FNBP1L: variants seen among roughly 807,000 people sequenced by gnomAD.
The protein encoded by FNBP1L is formin binding protein 1 like, also known as formin-binding protein 1-like.
In FNBP1L, 36 loss-of-function variants were observed where a neutral mutation model predicts 91.2. The ratio of observed to expected loss-of-function variants is 0.39; its 90% CI spans 0.30 to 0.52. The LOEUF is 0.52. Ranked by LOEUF, FNBP1L falls within the 20% of genes least tolerant of loss-of-function variation. FNBP1L has a pLI of 0.66. For synonymous variants in FNBP1L, 242 were observed against 237.0 expected (o/e 1.02, Z -0.19); for missense variants, 571 against 732.1 (o/e 0.78, Z 2.54).
rs1414321271 is a variant in FNBP1L at position 93,530,742 on chromosome 1, A to G, written c.511-13A>G. 2 of 1,594,482 alleles carry G rather than the reference A, an allele frequency of 1.3e-6. No homozygotes were observed. The highest frequency in any genetic ancestry group is 1.7e-6 in the Non-Finnish European group (2 of 1,170,640). On this transcript the variant is annotated splice_polypyrimidine_tract_variant and intron_variant, in intron 6 of 16. Transcript: ENST00000271234. Reference sequence around the variant, plus strand: ...TTTGTTGTTGATAATAATTTCGACCATTTTGCCCCTAGGCCAAACAGCAGT... The same window carrying G: ...TTTGTTGTTGATAATAATTTCGACCGTTTTGCCCCTAGGCCAAACAGCAGT...
chr1:93,513,418 A>T (rs1401770280), intron 2 of FNBP1L, among the ~76,000 whole-genome samples: 2 of 152,084 alleles, frequency 1.3e-5, no homozygotes, highest in African/African-American at 4.8e-5. Flanking sequence ...AACTCATTTT[A>T]TGAGGCCAGC....
intron 1 of FNBP1L, among the ~76,000 whole-genome samples, chr1:93,499,114 G>T (rs989583540): frequency 1.8e-4 from 28 of 152,144 alleles, no homozygotes; most frequent in Admixed American, 8.5e-4. Context: ...GGGACCTGGA[G>T]AAAGTCTGAG....
rs1670376358 is a variant in FNBP1L at position 93,499,527 on chromosome 1, T to G, written c.84T>G (p.Tyr28Ter). 1 of 1,605,912 alleles carries G rather than the reference T, an allele frequency of 6.2e-7. No homozygotes were observed. The highest frequency in any genetic ancestry group is 1.3e-5 in the African/African-American group (1 of 74,810). ...TQWGIDFLER[Y>*]AKFVKERIEI... Reference sequence around the variant, plus strand: ...GGGGAATTGACTTCTTGGAAAGATATGCCAAATTTGTTAAAGAGAGGATAG... The same window carrying G: ...GGGGAATTGACTTCTTGGAAAGATAGGCCAAATTTGTTAAAGAGAGGATAG... The change falls in exon 2 of 17, where the codon TAT becomes TAG. Residue 28 changes from tyrosine (Y) to a stop codon, truncating the protein, a stop_gained. Coordinates refer to ENST00000271234, the MANE Select transcript of FNBP1L (RefSeq NM_001164473.3). LOFTEE classifies it high-confidence loss of function.
intron 1 of FNBP1L, among the ~76,000 whole-genome samples, chr1:93,466,573 G>T (rs1235143458): frequency 1.3e-5 from 2 of 152,052 alleles, no homozygotes; most frequent in Admixed American, 1.3e-4. Context: ...TTCTGTTTTG[G>T]TACCAGTACC....
At chr1:93,548,659 T>C (rs1427881126) in intron 14 of FNBP1L, among the ~76,000 whole-genome samples, 1 of 152,286 alleles carries the variant, frequency 6.6e-6, no homozygotes, top group East Asian at 1.9e-4. Context: ...ACCTCACAGC[T>C]GTGCTTTCTA....
intron 2 of FNBP1L, among the ~76,000 whole-genome samples, chr1:93,506,816 C>T (rs1670631442): frequency 6.6e-6 from 1 of 151,630 alleles, no homozygotes; most frequent in African/African-American, 2.4e-5. Context: ...TTTACTGAAA[C>T]TCAAAAGTAA....
At chr1:93,457,426 G>A (rs1668707704) in intron 1 of FNBP1L, among the ~76,000 whole-genome samples, 1 of 152,120 alleles carries the variant, frequency 6.6e-6, no homozygotes, top group Non-Finnish European at 1.5e-5. Flanking sequence ...GGTCATTACT[G>A]GTCTGGGACT....
At chr1:93,551,733 A>G (rs1672422492) in intron 16 of FNBP1L, 5 of 984,746 alleles carry the variant, frequency 5.1e-6, no homozygotes, top group Non-Finnish European at 6.0e-6. Flanking sequence ...TTCAAAATAA[A>G]TCTCCTGGTC....
At chr1:93,480,710 C>A (rs1167134526) in intron 1 of FNBP1L, among the ~76,000 whole-genome samples, 1 of 151,966 alleles carries the variant, frequency 6.6e-6, no homozygotes, top group African/African-American at 2.4e-5. Context: ...CTAGAGGTGC[C>A]TGCCACCACG....
chr1:93,515,091 A>G (rs1456564166), intron 2 of FNBP1L, among the ~76,000 whole-genome samples: 1 of 152,248 alleles, frequency 6.6e-6, no homozygotes, highest in Non-Finnish European at 1.5e-5. Flanking sequence ...AACCCCATCA[A>G]AAAGTGGGTG....
At chr1:93,541,595 C>T (rs570136782) in intron 11 of FNBP1L, among the ~76,000 whole-genome samples, 6 of 37,644 alleles carry the variant, frequency 1.6e-4, no homozygotes, top group African/African-American at 3.1e-4. Context: ...GGGGGTGGGG[C>T]GGGGCGGGGA....
rs964157048 is a variant in FNBP1L, at chr1:93,539,162, A to G, written c.1150-1880A>G. On this transcript the variant is annotated intron_variant, in intron 10 of 16. Transcript: ENST00000271234. Reference sequence around the variant, plus strand: ...CAGGTTTTCTCTCTGAATATTTATGACTTTATAGACTTTCAGAGACATTTT... The same window carrying G: ...CAGGTTTTCTCTCTGAATATTTATGGCTTTATAGACTTTCAGAGACATTTT... Among the ~76,000 whole-genome samples the G allele has an allele frequency of 3.7e-4, 56 of 152,096 alleles. 1 individual carries two copies. The highest frequency in any genetic ancestry group is 1.3e-3 in the African/African-American group (56 of 41,534).
At chr1:93,528,917 A>G (rs1049752464) in intron 5 of FNBP1L, among the ~76,000 whole-genome samples, 1 of 152,188 alleles carries the variant, frequency 6.6e-6, no homozygotes, top group Non-Finnish European at 1.5e-5. Flanking sequence ...TATGTAGGAA[A>G]GAAAATGTAA....
chr1:93,489,569 T>A (rs1570796489), intron 1 of FNBP1L, among the ~76,000 whole-genome samples: 1 of 151,712 alleles, frequency 6.6e-6, no homozygotes, highest in East Asian at 1.9e-4. Flanking sequence ...AAAAAAAAAA[T>A]TGCAGTAGGG....
chr1:93,539,788 TACTG>T (rs1455724467), intron 10 of FNBP1L, among the ~76,000 whole-genome samples: 2 of 152,154 alleles, frequency 1.3e-5, no homozygotes, highest in African/African-American at 2.4e-5. Flanking sequence ...TTCTCAAAAA[TACTG>T]ACAGTCTAAA....
intron 5 of FNBP1L, among the ~76,000 whole-genome samples, chr1:93,526,914 T>C (rs1255076132): frequency 6.6e-6 from 1 of 152,302 alleles, no homozygotes; most frequent in East Asian, 1.9e-4. Context: ...ATTAGTAGCC[T>C]ATAGTTACTT....
At chr1:93,523,537 T>A in intron 4 of FNBP1L, 46 bp downstream of exon 4, 1 of 1,515,286 alleles carries the variant, frequency 6.6e-7, no homozygotes. Context: ...TATGAAATAG[T>A]CACACAGAAA....
At chr1:93,497,860 TCCAC>T (rs949227094) in intron 1 of FNBP1L, among the ~76,000 whole-genome samples, 31 of 152,202 alleles carry the variant, frequency 2.0e-4, no homozygotes, top group African/African-American at 7.0e-4. Flanking sequence ...CTTCAAGTGA[TCCAC>T]CCACCTCGGC....
At chr1:93,512,751 T>A in intron 2 of FNBP1L, among the ~76,000 whole-genome samples, 1 of 149,568 alleles carries the variant, frequency 6.7e-6, no homozygotes, top group Non-Finnish European at 1.5e-5. Context: ...CATACCAGAG[T>A]CTCTGGGACG....
Sources: allele counts gnomAD v4.1 joint callset (sites outside exome capture counted in the v4.1 genomes callset), GRCh38; gene constraint gnomAD v4.1.1; transcripts MANE v1.5; gene names NCBI Gene and HGNC (gene_info 2026-07-23, HGNC 2026-07-21).